NKAIN2: variants seen among roughly 807,000 people sequenced by gnomAD.
The protein encoded by NKAIN2 is sodium/potassium transporting ATPase interacting 2, also known as sodium/potassium-transporting ATPase subunit beta-1-interacting protein 2.
In NKAIN2, 14 loss-of-function variants were observed where a neutral mutation model predicts 32.6. The observed-to-expected ratio is 0.43, with a 90% confidence interval of 0.28 to 0.67. NKAIN2 has a LOEUF of 0.67. Ranked by LOEUF, NKAIN2 falls within the 30% of genes least tolerant of loss-of-function variation. The pLI, the probability that NKAIN2 is intolerant of heterozygous loss-of-function variation, is 0.17. For synonymous variants in NKAIN2, 80 were observed against 87.2 expected (o/e 0.92, Z 0.46); for missense variants, 198 against 258.3 (o/e 0.77, Z 1.60).
intron 3 of NKAIN2, among the ~76,000 whole-genome samples, chr6:124,444,068 G>T (rs529150738): frequency 5.3e-5 from 8 of 152,084 alleles, no homozygotes; most frequent in African/African-American, 1.9e-4. Flanking sequence ...CAAGCTTCAT[G>T]AAATAAAGGG....
intron 3 of NKAIN2, among the ~76,000 whole-genome samples, chr6:124,657,317 A>C (rs574785455): frequency 6.6e-6 from 1 of 152,180 alleles, no homozygotes; most frequent in African/African-American, 2.4e-5. Context: ...TTCCTTCATG[A>C]CTTGCTGAAT....
chr6:124,326,855 G>A (rs973073783), intron 2 of NKAIN2, among the ~76,000 whole-genome samples: 1 of 152,174 alleles, frequency 6.6e-6, no homozygotes, highest in African/African-American at 2.4e-5. Context: ...AACCATAGCA[G>A]TGTTCATCTT....
chr6:124,584,640 C>T (rs1366510064), intron 3 of NKAIN2, among the ~76,000 whole-genome samples: 10 of 127,494 alleles, frequency 7.8e-5, no homozygotes, highest in Admixed American at 1.8e-4. Context: ...GCAACAAGAG[C>T]GAAACTCCAT....
intron 1 of NKAIN2, among the ~76,000 whole-genome samples, chr6:123,806,386 C>T (rs1002349464): frequency 7.9e-5 from 12 of 151,948 alleles, no homozygotes; most frequent in African/African-American, 2.7e-4. Flanking sequence ...AAACAAAGGA[C>T]AAAGAAAATG....
intron 4 of NKAIN2, among the ~76,000 whole-genome samples, chr6:124,673,155 G>A (rs1773189738): frequency 6.6e-6 from 1 of 151,982 alleles, no homozygotes; most frequent in Admixed American, 6.6e-5. Flanking sequence ...GTCCTTCTGT[G>A]ATGTGCTTGT....
chr6:124,709,405 G>A (rs1433958532), intron 4 of NKAIN2, among the ~76,000 whole-genome samples: 1 of 151,326 alleles, frequency 6.6e-6, no homozygotes, highest in Non-Finnish European at 1.5e-5. Flanking sequence ...AATAGTTTCA[G>A]AAGGAATGGT....
At chr6:124,040,881 T>C (rs1310591385) in intron 1 of NKAIN2, among the ~76,000 whole-genome samples, 1 of 152,018 alleles carries the variant, frequency 6.6e-6, no homozygotes, top group Non-Finnish European at 1.5e-5. Flanking sequence ...TTAGTCATAA[T>C]GATAATAGTT....
chr6:123,971,440 C>T (rs551539147), intron 1 of NKAIN2, among the ~76,000 whole-genome samples: 83 of 152,126 alleles, frequency 5.5e-4, no homozygotes, highest in African/African-American at 1.9e-3. Context: ...ACACATACTG[C>T]TTTTTATCAT....
intron 4 of NKAIN2, among the ~76,000 whole-genome samples, chr6:124,698,400 T>C (rs1583666761): frequency 1.3e-5 from 2 of 151,882 alleles, no homozygotes; most frequent in South Asian, 4.1e-4. Flanking sequence ...TGGGAAGGAG[T>C]AGTGAAAGTC....
At chr6:124,106,062 T>C (rs1785106937) in intron 1 of NKAIN2, among the ~76,000 whole-genome samples, 1 of 152,216 alleles carries the variant, frequency 6.6e-6, no homozygotes, top group South Asian at 2.1e-4. Context: ...GATTACCCAC[T>C]ATGTTATGCC....
At chr6:124,090,833 A>G (rs1252608509) in intron 1 of NKAIN2, among the ~76,000 whole-genome samples, 2 of 152,012 alleles carry the variant, frequency 1.3e-5, no homozygotes, top group Non-Finnish European at 1.5e-5. Flanking sequence ...TAACTATGAA[A>G]CATTTTAAAA....
At chr6:124,631,845 G>A (rs995779787) in intron 3 of NKAIN2, among the ~76,000 whole-genome samples, 11 of 152,006 alleles carry the variant, frequency 7.2e-5, no homozygotes, top group South Asian at 2.1e-4. Flanking sequence ...CAACTACCCC[G>A]GACACAGAGT....
At chr6:124,538,322 C>T (rs2054466) in intron 3 of NKAIN2, among the ~76,000 whole-genome samples, 134,782 of 151,938 alleles carry the variant, frequency 0.89, 60,433 homozygotes, top group East Asian at 1. Context: ...ATTCTAATAA[C>T]AGTTTAGCTT....
chr6:124,768,980 A>G, intron 4 of NKAIN2, among the ~76,000 whole-genome samples: 1 of 152,184 alleles, frequency 6.6e-6, no homozygotes, highest in African/African-American at 2.4e-5. Context: ...TTCTGGTCAT[A>G]ACATCACATT....
intron 1 of NKAIN2, among the ~76,000 whole-genome samples, chr6:123,976,113 G>A (rs1778556070): frequency 6.6e-6 from 1 of 150,992 alleles, no homozygotes; most frequent in African/African-American, 2.4e-5. Context: ...TGATTGTGAG[G>A]CCTCCCCAGC....
chr6:124,266,098 A>T (rs886543282), intron 1 of NKAIN2, among the ~76,000 whole-genome samples: 1 of 152,142 alleles, frequency 6.6e-6, no homozygotes, highest in Non-Finnish European at 1.5e-5. Flanking sequence ...GCATAACTTA[A>T]TGTAATATTT....
intron 1 of NKAIN2, among the ~76,000 whole-genome samples, chr6:124,020,426 C>T (rs1412593308): frequency 6.6e-6 from 1 of 152,046 alleles, no homozygotes. Context: ...GCTTGGTGTT[C>T]TGTTCTAACT....
At chr6:124,503,195 A>G (rs1482919532) in intron 3 of NKAIN2, among the ~76,000 whole-genome samples, 1 of 152,072 alleles carries the variant, frequency 6.6e-6, no homozygotes, top group Non-Finnish European at 1.5e-5. Flanking sequence ...ATAAATTATA[A>G]CTTTTAACTA....
intron 1 of NKAIN2, among the ~76,000 whole-genome samples, chr6:123,849,903 TA>T (rs1337143575): frequency 2.0e-5 from 3 of 151,610 alleles, no homozygotes; most frequent in Non-Finnish European, 2.9e-5. Flanking sequence ...CAATTTTCTT[TA>T]AAAAAATTTT....
Sources: gnomAD v4.1 joint callset for allele counts (sites outside exome capture counted in the v4.1 genomes callset) on GRCh38, gnomAD v4.1.1 for gene constraint, MANE v1.5 for transcripts, NCBI Gene and HGNC (gene_info 2026-07-23, HGNC 2026-07-21) for gene names.